The following MYO1C variants were observed in gnomAD, a reference collection of about 807,000 sequenced individuals.
MYO1C encodes the protein unconventional myosin-Ic.
In MYO1C, 104 loss-of-function variants were observed where a neutral mutation model predicts 150.8. The ratio of observed to expected loss-of-function variants is 0.69; its 90% CI spans 0.59 to 0.81. MYO1C has a LOEUF of 0.81. Among genes scored for constraint, MYO1C ranks in the 30% least tolerant of loss-of-function variants. MYO1C has a pLI of 0.00. For synonymous variants in MYO1C, 663 were observed against 579.9 expected, an observed-to-expected ratio of 1.14 and a Z score of -2.06; for missense variants, 1,504 against 1,435.0, an observed-to-expected ratio of 1.05 and a Z score of -0.78.
chr17:1,484,657 G>T (rs187240262), intron 1 of MYO1C: 19 of 466,540 alleles, frequency 4.1e-5, no homozygotes, highest in Middle Eastern at 6.1e-4. Flanking sequence ...GTGGAGAAAG[G>T]GGGGGTCACA....
In MYO1C at chr17:1,479,613, G is replaced by A; in HGVS notation, c.999C>T (p.Asn333=). Residue 333 remains asparagine (N), a synonymous_variant, in exon 8 of 32, where the codon AAC becomes AAT. Coordinates refer to ENST00000648651, the MANE Select transcript of MYO1C (RefSeq NM_001080779.2). This position sits in a 1 kb window ranked among gnomAD's most constrained non-coding sequence, Gnocchi z 4.2. ...TCACCCTGGTCAGATACTTGAGCTG[G>A]TTCTCGGTGGTGACCTGGGCATTGC... ...EESNAQVTTE[N]QLKYLTRLLS... The A allele has an allele frequency of 1.4e-5, 23 of 1,613,488 alleles. No homozygotes were observed. Among genetic ancestry groups the A allele is most frequent in the East Asian group, 2.2e-5 (1 of 44,874 alleles).
intron 1 of MYO1C, chr17:1,484,761 G>A (rs1443523569): frequency 2.8e-6 from 1 of 363,554 alleles, no homozygotes. Flanking sequence ...AGGAGGAGGA[G>A]TTGAGTTAGA....
chr17:1,482,610 C>T (rs2074546425), intron 4 of MYO1C, 52 bp from the exon 5 acceptor site: 1 of 1,481,152 alleles, frequency 6.8e-7, no homozygotes, highest in African/African-American at 1.4e-5. Context: ...CCCTGCCCTC[C>T]CCACCCCGCC....
At chr17:1,485,761 G>T in intron 1 of MYO1C, 1 of 1,068,660 alleles carries the variant, frequency 9.4e-7, no homozygotes, top group Admixed American at 5.4e-5. Flanking sequence ...TCCGGGTCCC[G>T]GGCTCGGCGG....
chr17:1,465,415 T>A lies in MYO1C; in HGVS notation c.*311A>T. On this transcript the variant is annotated 3_prime_UTR_variant, in exon 32 of 32. Coordinates refer to ENST00000648651, the MANE Select transcript of MYO1C (RefSeq NM_001080779.2). ...TTAAAAAATAGTTTCCTATAAAGCA[T>A]CAAAAAAACCTCAGAGAAAACCTCA... 3.2e-6 allele frequency: 1 copy of A among 308,764 alleles called. No homozygotes were observed. The allele number at this position is 308,764 out of a possible 1,614,324, so 19.1% of individuals were successfully genotyped here. A position where few individuals can be genotyped will look rare whatever the true frequency, so the allele number is the denominator to read the frequency against.
intron 25 of MYO1C, 160 bp downstream of exon 25, chr17:1,469,371 G>C (rs45603038): frequency 6.9e-5 from 41 of 590,222 alleles, no homozygotes; most frequent in Non-Finnish European, 1.0e-4. Flanking sequence ...GGGGTAAATA[G>C]AGTAGACCAG....
At chr17:1,481,234 C>G in intron 5 of MYO1C, 1 of 316,954 alleles carries the variant, frequency 3.2e-6, no homozygotes, top group Non-Finnish European at 6.0e-6. Flanking sequence ...TCTCGTTGTT[C>G]AAGCCAAGGA....
intron 5 of MYO1C, among the ~76,000 whole-genome samples, chr17:1,481,594 G>C (rs1390443432): frequency 6.6e-6 from 1 of 151,624 alleles, no homozygotes; most frequent in Non-Finnish European, 1.5e-5. Context: ...TCGAACTCCC[G>C]GGTTCAAGCA....
Position 1,467,517 on chromosome 17 carries a change from C to T in MYO1C, c.3028G>A (p.Ala1010Thr), listed in dbSNP as rs772789807. Reference protein sequence around the residue: ...IETLTKTALSANRVNSININQ... With the variant: ...IETLTKTALSTNRVNSININQ... ...ATGTTGATGCTGTTCACGCGGTTGG[C>T]ACTGAGGGCTGTCTTGGTCAGCGTC... The change falls in exon 30 of 32, where the codon GCC becomes ACC. Residue 1010 changes from alanine to threonine, a missense_variant. Transcript: ENST00000648651. 3 of 1,613,508 alleles carry T rather than the reference C, an allele frequency of 1.9e-6. No individual in the cohort carries two copies. The highest frequency in any genetic ancestry group is 2.7e-5 in the African/African-American group (2 of 74,860).
intron 3 of MYO1C, 44 bp from the exon 4 acceptor site, chr17:1,483,103 C>T (rs750427559): frequency 1.3e-6 from 2 of 1,537,266 alleles, no homozygotes; most frequent in African/African-American, 2.7e-5. Flanking sequence ...GGGGGCCAAG[C>T]AGAGCCCCAC....
Position 1,468,166 on chromosome 17 carries a change from C to G in MYO1C, c.2761-43G>C, listed in dbSNP as rs376498323. 7.4e-6 allele frequency: 12 copies of G among 1,611,882 alleles called. No individual in the cohort carries two copies. The African/African-American group carries it at 1.3e-4, about 18-fold the overall frequency. ...GCTGAAGGGGCTGGGGAGAGGCTCC[C>G]AAGGCTCCGCCCCTGCCCTGACCTG... On this transcript the variant is annotated intron_variant, in intron 27 of 31. Transcript: ENST00000648651.
In MYO1C at chr17:1,479,770, G is replaced by C; in HGVS notation, c.907-65C>G. 8.6e-7 allele frequency: 1 copy of C among 1,158,590 alleles called. No homozygotes were observed. The highest frequency in any genetic ancestry group is 1.3e-6 in the Non-Finnish European group (1 of 790,188). 71.8% of individuals were successfully genotyped at this position (1,158,590 alleles called of 1,614,324 possible). A position where few individuals can be genotyped will look rare whatever the true frequency, so the allele number is the denominator to read the frequency against. ...CCAGAGAGCCCCAAGAGGGCAACTA[G>C]CAGATGGCCATGCAGGGGTGGGTGG... On this transcript the variant is annotated intron_variant, in intron 7 of 31. Coordinates refer to ENST00000648651, the MANE Select transcript of MYO1C (RefSeq NM_001080779.2). This position sits in a 1 kb window ranked among gnomAD's most constrained non-coding sequence, Gnocchi z 4.2.
chr17:1,484,205 G>A lies in MYO1C; in HGVS notation c.174C>T (p.Thr58=). The A allele has an allele frequency of 6.2e-7, 1 of 1,612,966 alleles. No individual in the cohort carries two copies. Among genetic ancestry groups the A allele is most frequent in the Non-Finnish European group, 8.5e-7 (1 of 1,180,010 alleles). Reference sequence around the variant, plus strand: ...GGTTCTCGATGAAGGCGGCCTCGCTGGTGAAGTTCTCCAGCAGCACGAAAT... The same window carrying A: ...GGTTCTCGATGAAGGCGGCCTCGCTAGTGAAGTTCTCCAGCAGCACGAAAT... ...VQDFVLLENF[T]SEAAFIENLR... Residue 58 remains threonine, a synonymous_variant, in exon 2 of 32, where the codon ACC becomes ACT. Coordinates refer to ENST00000648651, the MANE Select transcript of MYO1C (RefSeq NM_001080779.2).
At chr17:1,475,390 A>G (rs2074384404) in intron 14 of MYO1C, among the ~76,000 whole-genome samples, 1 of 150,198 alleles carries the variant, frequency 6.7e-6, no homozygotes, top group African/African-American at 2.4e-5. Flanking sequence ...CTACACTCCA[A>G]AAAAAAAAGA....
chr17:1,479,537 A>ACCCCCCTCCCCCCCCCCCCC lies in MYO1C; in HGVS notation c.1021-36_1021-35insGGGGGGGGGGGGGAGGGGGG. Reference sequence around the variant, plus strand: ...GCAGGCGAGGACACGGTGAGGGTGCACCCCCAGCCCCCGCCCCCGCCGTCC... The same window carrying ACCCCCCTCCCCCCCCCCCCC: ...GCAGGCGAGGACACGGTGAGGGTGCACCCCCCTCCCCCCCCCCCCCCCCCCAGCCCCCGCCCCCGCCGTCC... On this transcript the variant is annotated intron_variant, in intron 8 of 31. Coordinates refer to ENST00000648651, the MANE Select transcript of MYO1C (RefSeq NM_001080779.2). This position sits in a 1 kb window ranked among gnomAD's most constrained non-coding sequence, Gnocchi z 4.2. 1 of 1,470,828 alleles carries ACCCCCCTCCCCCCCCCCCCC rather than the reference A, an allele frequency of 6.8e-7. No homozygotes were observed. The highest frequency in any genetic ancestry group is 9.3e-7 in the Non-Finnish European group (1 of 1,072,236). 91.1% of individuals were successfully genotyped at this position (1,470,828 alleles called of 1,614,324 possible).
Position 1,492,457 on chromosome 17 carries a change from C to G in MYO1C, c.31G>C (p.Gly11Arg). The change falls in exon 1 of 32, where the codon GGG (glycine) becomes CGG (arginine). Residue 11 changes from glycine (G) to arginine (R), a missense_variant. Transcript: ENST00000648651. ...GGATGAACCACGCGGATGATCTCCC[C>G]GGTGGGTACCAGCTCCACTTGCAGC... MALQVELVPT[G>R]EIIRVVHPHR... is the part of the protein sequence containing the mutation. 6.2e-7 allele frequency: 1 copy of G among 1,607,188 alleles called. No individual in the cohort carries two copies. The highest frequency in any genetic ancestry group is 8.5e-7 in the Non-Finnish European group (1 of 1,177,238).
At position 1,490,035 on chromosome 17, in the gene MYO1C, C is replaced by CAAA. The variant is rs368349826; in HGVS notation, c.75+2375_75+2377dup. ...AGACTGAGTGACAGAGACACTGTCT[C>CAAA]AAAAAAAAAAAAAAAAAAAGAGGGC... On this transcript the variant is annotated intron_variant, in intron 1 of 31. Coordinates refer to ENST00000648651, the MANE Select transcript of MYO1C (RefSeq NM_001080779.2). Among the ~76,000 whole-genome samples the CAAA allele has an allele frequency of 8.1e-4, 85 of 104,480 alleles. 1 individual carries two copies. The highest frequency in any genetic ancestry group is 1.6e-3 in the African/African-American group (45 of 27,496). The allele number at this position is 104,480 out of a possible 152,430, so 68.5% of individuals were successfully genotyped here. A position where few individuals can be genotyped will look rare whatever the true frequency, so the allele number is the denominator to read the frequency against.
intron 22 of MYO1C, 47 bp downstream of exon 22, chr17:1,470,574 C>A (rs200771137): frequency 6.3e-6 from 10 of 1,584,364 alleles, no homozygotes; most frequent in African/African-American, 4.0e-5. Context: ...GGTGGCCCCC[C>A]CTGGCCCCAG....
In MYO1C at chr17:1,479,375, G is replaced by A. The variant is rs1358035621; in HGVS notation, c.1092+56C>T. ...CAGGCGAAGGGGAGTGATGGGAGTA[G>A]GGGCTGCCTTGGAACAGCTGCCCCT... On this transcript the variant is annotated intron_variant, in intron 9 of 31. Coordinates refer to ENST00000648651, the MANE Select transcript of MYO1C (RefSeq NM_001080779.2). The surrounding 1 kb of genome is among the most constrained non-coding windows in gnomAD (Gnocchi z 4.2). 2 of 838,068 alleles carry A rather than the reference G, an allele frequency of 2.4e-6. No homozygotes were observed. Among genetic ancestry groups the A allele is most frequent in the Non-Finnish European group, 3.9e-6 (2 of 507,090 alleles). The allele number at this position is 838,068 out of a possible 1,614,324, so 51.9% of individuals were successfully genotyped here.
Sources: allele counts gnomAD v4.1 joint callset (sites outside exome capture counted in the v4.1 genomes callset), GRCh38; gene constraint gnomAD v4.1.1; non-coding constraint Gnocchi (gnomAD v3.1); transcripts MANE v1.5; gene names NCBI Gene and HGNC (gene_info 2026-07-23, HGNC 2026-07-21).